EPB41L5: variants seen among roughly 807,000 people sequenced by gnomAD.
EPB41L5 encodes the protein erythrocyte membrane protein band 4.1 like 5.
Under a neutral mutation model 106.6 loss-of-function variants are expected in EPB41L5, and 55 were observed. That is an observed-to-expected ratio of 0.52 (90% CI 0.42 to 0.65). The LOEUF is 0.65. Ranked by LOEUF, EPB41L5 falls within the 30% of genes least tolerant of loss-of-function variation. The pLI is 0.00. For synonymous variants in EPB41L5, 297 were observed against 306.7 expected, an observed-to-expected ratio of 0.97 and a Z score of 0.33; for missense variants, 871 against 882.1, an observed-to-expected ratio of 0.99 and a Z score of 0.16.
At chr2:120,139,968 T>G (rs188127317) in intron 18 of EPB41L5, among the ~76,000 whole-genome samples, 33 of 152,192 alleles carry the variant, frequency 2.2e-4, no homozygotes, top group Admixed American at 6.6e-4. Flanking sequence ...ATATACACAA[T>G]GAAGTACTAT....
Position 120,014,621 on chromosome 2 carries a change from C to T in EPB41L5, c.-9+1411C>T, listed in dbSNP as rs867792978. Among the ~76,000 whole-genome samples, 3 of 152,284 alleles carry T rather than the reference C, an allele frequency of 2.0e-5. No homozygotes were observed. The East Asian group carries it at 5.8e-4, about 29-fold the overall frequency. ...CTTTTCTGAGAATAAGACATTTCAA[C>T]TATAAGTCTGAAGTTAGTCCAGTGA... On this transcript the variant is annotated intron_variant, in intron 1 of 24. Transcript: ENST00000263713.
chr2:120,150,822 C>T (rs1218457875), intron 20 of EPB41L5, among the ~76,000 whole-genome samples: 1 of 152,108 alleles, frequency 6.6e-6, no homozygotes, highest in Non-Finnish European at 1.5e-5. Flanking sequence ...ATTGTCTTTT[C>T]ACTTTCTTAG....
intron 10 of EPB41L5, among the ~76,000 whole-genome samples, chr2:120,079,587 A>G (rs114058571): frequency 0.034 from 5,214 of 152,150 alleles, 168 homozygotes; most frequent in South Asian, 0.071. Context: ...CTTTCCAAAC[A>G]CTGCTCGATA....
At chr2:120,054,596 G>A (rs1050458441) in intron 3 of EPB41L5, among the ~76,000 whole-genome samples, 4 of 151,604 alleles carry the variant, frequency 2.6e-5, no homozygotes, top group African/African-American at 4.8e-5. Context: ...TCCGCCTCCC[G>A]GTTCGAGCAG....
intron 9 of EPB41L5, among the ~76,000 whole-genome samples, 178 bp from the exon 10 acceptor site, chr2:120,078,315 A>G (rs566349656): frequency 9.4e-4 from 143 of 152,346 alleles, no homozygotes; most frequent in African/African-American, 3.3e-3. Flanking sequence ...AAATATATGC[A>G]TAAATTTTTC....
At chr2:120,157,623 G>C (rs1369693172) in intron 20 of EPB41L5, among the ~76,000 whole-genome samples, 1 of 151,934 alleles carries the variant, frequency 6.6e-6, no homozygotes, top group East Asian at 1.9e-4. Flanking sequence ...TATAAAATTA[G>C]CTGGGCGGGG....
At chr2:120,025,744 A>G (rs188749763) in intron 2 of EPB41L5, among the ~76,000 whole-genome samples, 11 of 152,358 alleles carry the variant, frequency 7.2e-5, no homozygotes, top group African/African-American at 2.6e-4. Flanking sequence ...TGCAGTCCCC[A>G]TGAGAATTCC....
intron 3 of EPB41L5, among the ~76,000 whole-genome samples, chr2:120,051,948 T>G (rs1399170315): frequency 6.6e-6 from 1 of 152,124 alleles, no homozygotes; most frequent in Admixed American, 6.5e-5. Context: ...TGCTTCAGCC[T>G]CCTGAGTAGC....
intron 16 of EPB41L5, among the ~76,000 whole-genome samples, chr2:120,127,377 CA>C (rs1316382981): frequency 1.3e-5 from 2 of 152,058 alleles, no homozygotes; most frequent in African/African-American, 4.8e-5. Context: ...CCTGAGATAC[CA>C]AAATCCGCAG....
intron 19 of EPB41L5, 100 bp downstream of exon 19, chr2:120,143,231 G>A: frequency 7.9e-7 from 1 of 1,269,362 alleles, no homozygotes; most frequent in Non-Finnish European, 1.1e-6. Flanking sequence ...CTAGATTAAT[G>A]GTGCAGTCAG....
In EPB41L5 at chr2:120,157,963, A is replaced by G. The variant is rs142776315; in HGVS notation, c.1794-2918A>G. Reference sequence around the variant, plus strand: ...ATACACATAACTATCAGAGAATATTACCAAACACCTCTATGCACATAAACT... The same window carrying G: ...ATACACATAACTATCAGAGAATATTGCCAAACACCTCTATGCACATAAACT... On this transcript the variant is annotated intron_variant, in intron 20 of 24. Coordinates refer to ENST00000263713, the MANE Select transcript of EPB41L5 (RefSeq NM_020909.4). 1.1e-4 allele frequency among the ~76,000 whole-genome samples: 16 copies of G among 152,214 alleles called. No individual in the cohort carries two copies. In the East Asian group the frequency reaches 3.1e-3, roughly 29 times the overall value.
In EPB41L5 at chr2:120,131,729, C is replaced by T. The variant is rs1466117875; in HGVS notation, c.1599+14C>T. The T allele has an allele frequency of 3.8e-6, 6 of 1,572,694 alleles. No individual in the cohort carries two copies. In the Middle Eastern group the frequency reaches 5.0e-4, roughly 132 times the overall value. ...ATAAACAGCCAGGTATTCAGATTTC[C>T]CCTGTGTATACCTGTTACACATCTC... On this transcript the variant is annotated intron_variant, in intron 18 of 24. Transcript: ENST00000263713.
At chr2:120,059,576 C>T (rs142077029) in intron 3 of EPB41L5, among the ~76,000 whole-genome samples, 1,775 of 152,258 alleles carry the variant, frequency 0.012, 19 homozygotes, top group Middle Eastern at 0.024. Flanking sequence ...TCGTATATCA[C>T]ACATCTGACC....
At chr2:120,155,035 A>G (rs1274306285) in intron 20 of EPB41L5, among the ~76,000 whole-genome samples, 1 of 152,194 alleles carries the variant, frequency 6.6e-6, no homozygotes, top group African/African-American at 2.4e-5. Context: ...GAGAAGTTAT[A>G]CCCAAATTGT....
chr2:120,084,590 A>T (rs928821893), intron 10 of EPB41L5, among the ~76,000 whole-genome samples: 6 of 152,014 alleles, frequency 3.9e-5, no homozygotes, highest in Non-Finnish European at 5.9e-5. Context: ...GGTGAATCTG[A>T]CAATCATGTG....
intron 21 of EPB41L5, 55 bp downstream of exon 21, chr2:120,161,029 C>T: frequency 1.6e-6 from 2 of 1,274,340 alleles, no homozygotes; most frequent in Non-Finnish European, 2.3e-6. Flanking sequence ...TGAATTGAAT[C>T]TTGCAGTATA....
chr2:120,068,159 A>T (rs1338904929), intron 3 of EPB41L5, among the ~76,000 whole-genome samples: 1 of 152,362 alleles, frequency 6.6e-6, no homozygotes, highest in East Asian at 1.9e-4. Context: ...GCATCGCCTC[A>T]TCCGGGAAGC....
At chr2:120,141,127 C>A (rs1360312458) in intron 18 of EPB41L5, among the ~76,000 whole-genome samples, 1 of 152,050 alleles carries the variant, frequency 6.6e-6, no homozygotes, top group Non-Finnish European at 1.5e-5. Context: ...ATACAGTCAC[C>A]TGACATGCCT....
intron 16 of EPB41L5, among the ~76,000 whole-genome samples, chr2:120,117,138 GTTC>G (rs1286847810): frequency 1.3e-5 from 2 of 152,120 alleles, no homozygotes; most frequent in African/African-American, 4.8e-5. Flanking sequence ...TTCTTTAGAA[GTTC>G]TTCTGGTCTC....
Sources: gnomAD v4.1 joint callset for allele counts (sites outside exome capture counted in the v4.1 genomes callset) on GRCh38, gnomAD v4.1.1 for gene constraint, MANE v1.5 for transcripts, NCBI Gene and HGNC (gene_info 2026-07-23, HGNC 2026-07-21) for gene names.